Variants in RBM25 observed in about 807,000 individuals in gnomAD.
RBM25 encodes RNA binding motif protein 25.
A neutral mutation model predicts 120.7 loss-of-function variants in RBM25; 19 were observed. The observed-to-expected ratio is 0.16, with a 90% CI of 0.11 to 0.23. The LOEUF (loss-of-function observed/expected upper bound fraction) is 0.23. Among genes scored for constraint, RBM25 ranks in the 10% least tolerant of loss-of-function variants. RBM25 has a pLI of 1.00. For missense variants in RBM25, 605 were observed against 1,041.5 expected, an observed-to-expected ratio of 0.58 and a Z score of 5.77; for synonymous variants, 390 against 326.7, an observed-to-expected ratio of 1.19 and a Z score of -2.09.
intron 6 of RBM25, among the ~76,000 whole-genome samples, chr14:73,094,866 A>T (rs1895905736): frequency 7.2e-6 from 1 of 138,418 alleles, no homozygotes; most frequent in Non-Finnish European, 1.6e-5. Flanking sequence ...TGTGTTTTTG[A>T]TGGGGGTGGA....
rs1349476766 is a variant in RBM25 at position 73,071,613 on chromosome 14, C to G, written c.-15-14C>G. The G allele has an allele frequency of 2.0e-6, 3 of 1,523,178 alleles. No homozygotes were observed. The highest frequency in any genetic ancestry group is 2.7e-6 in the Non-Finnish European group (3 of 1,098,602). 94.4% of individuals were successfully genotyped at this position (1,523,178 alleles called of 1,614,324 possible). On this transcript the variant is annotated splice_polypyrimidine_tract_variant and intron_variant, in intron 1 of 18. Transcript: ENST00000261973. ...TTTCAAATAAAATGATTTGTCATGT[C>G]CTTTTTTCTTTAGACTGCTGCAGTA...
intron 1 of RBM25, among the ~76,000 whole-genome samples, chr14:73,067,165 G>C (rs1895158571): frequency 6.6e-6 from 1 of 151,108 alleles, no homozygotes; most frequent in African/African-American, 2.4e-5. Flanking sequence ...CGCCTCCCAG[G>C]TTCAAGCGAT....
chr14:73,080,927 C>T (rs898479343), intron 4 of RBM25, among the ~76,000 whole-genome samples: 3 of 146,628 alleles, frequency 2.0e-5, no homozygotes, highest in African/African-American at 5.1e-5. Flanking sequence ...GGGGTTCAAG[C>T]AATTCTCCTG....
chr14:73,103,932 TCTCTCTCTCTCTCTCTCACACA>T lies in RBM25; in HGVS notation c.1154+456_1154+477del, dbSNP rs1435520257. On this transcript the variant is annotated intron_variant, in intron 10 of 18. Coordinates refer to ENST00000261973, the MANE Select transcript of RBM25 (RefSeq NM_021239.3). ...CTCTCTCTCTCTCTCTCTCTCTCTC[TCTCTCTCTCTCTCTCTCACACA>T]CACACACACACACACACACACACAC... is the stretch of plus-strand genomic sequence containing the variant. 7.2e-3 allele frequency among the ~76,000 whole-genome samples: 595 copies of T among 83,168 alleles called. 1 individual carries two copies. Among genetic ancestry groups the T allele is most frequent in the African/African-American group, 0.018 (325 of 18,074 alleles). 54.6% of individuals were successfully genotyped at this position (83,168 alleles called of 152,430 possible).
At chr14:73,096,831 G>A (rs1161594970) in intron 6 of RBM25, 84 bp from the exon 7 acceptor site, 2 of 1,184,024 alleles carry the variant, frequency 1.7e-6, no homozygotes, top group Admixed American at 2.2e-5. Flanking sequence ...GAGAAAACAT[G>A]TATGTTTATT....
At chr14:73,103,944 TCTCTCACACACACACACACA>T (rs1566597464) in intron 10 of RBM25, among the ~76,000 whole-genome samples, 6 of 42,530 alleles carry the variant, frequency 1.4e-4, no homozygotes, top group African/African-American at 5.8e-4. Context: ...TCTCTCTCTC[TCTCTCACACACACACACACA>T]CACACACACA....
At chr14:73,068,711 CCT>C (rs942192641) in intron 1 of RBM25, 14 of 307,294 alleles carry the variant, frequency 4.6e-5, no homozygotes, top group African/African-American at 3.1e-4. Context: ...GCAGCACCAG[CCT>C]CTCATTACTG....
At chr14:73,090,501 A>T (rs933922503) in intron 6 of RBM25, among the ~76,000 whole-genome samples, 17 of 152,138 alleles carry the variant, frequency 1.1e-4, no homozygotes, top group Non-Finnish European at 1.8e-4. Flanking sequence ...TGCCTATCCA[A>T]GCTCCCTGTT....
intron 5 of RBM25, among the ~76,000 whole-genome samples, chr14:73,087,156 G>A (rs570308157): frequency 6.6e-6 from 1 of 151,942 alleles, no homozygotes; most frequent in African/African-American, 2.4e-5. Flanking sequence ...CAATTTGTTG[G>A]TTGCTCTTCT....
At chr14:73,112,982 T>C (rs1325499536) in intron 17 of RBM25, among the ~76,000 whole-genome samples, 1 of 152,028 alleles carries the variant, frequency 6.6e-6, no homozygotes, top group Admixed American at 6.6e-5. Context: ...TTTTTTTTTC[T>C]TTTTTTGTTT....
Position 73,103,244 on chromosome 14 carries a change from A to G in RBM25, c.920A>G (p.Lys307Arg). ...KKEKERQEIE[K>R]ERRERERERE... ...GAAAAAGAAAGACAGGAAATTGAGAAAGAACGGAGAGAAAGAGAGAGGGAG... is the reference window on the plus strand; with the variant it reads ...GAAAAAGAAAGACAGGAAATTGAGAGAGAACGGAGAGAAAGAGAGAGGGAG... The change falls in exon 10 of 19, where the codon AAA becomes AGA. Residue 307 changes from lysine (K) to arginine (R), a missense_variant. Lys to Arg is a conservative substitution (Grantham distance 26). Coordinates refer to ENST00000261973, the MANE Select transcript of RBM25 (RefSeq NM_021239.3). The G allele has an allele frequency of 2.5e-6, 4 of 1,605,834 alleles. No individual in the cohort carries two copies. The highest frequency in any genetic ancestry group is 3.4e-6 in the Non-Finnish European group (4 of 1,175,686).
intron 6 of RBM25, among the ~76,000 whole-genome samples, chr14:73,089,306 G>T (rs1386933375): frequency 6.6e-6 from 1 of 152,166 alleles, no homozygotes; most frequent in Non-Finnish European, 1.5e-5. Flanking sequence ...ACTGTAGGCG[G>T]TTTGGATGTA....
At chr14:73,116,133 G>C (rs533330362) in intron 18 of RBM25, among the ~76,000 whole-genome samples, 2 of 151,360 alleles carry the variant, frequency 1.3e-5, no homozygotes, top group African/African-American at 4.8e-5. Flanking sequence ...TGGAGATTAA[G>C]ACATTGAGAG....
intron 17 of RBM25, among the ~76,000 whole-genome samples, 163 bp downstream of exon 17, chr14:73,112,413 G>T (rs1291937421): frequency 4.0e-5 from 6 of 151,076 alleles, no homozygotes; most frequent in African/African-American, 1.2e-4. Context: ...TTTTTGGTGT[G>T]TTTTTTTTTA....
chr14:73,114,420 C>G, intron 18 of RBM25, 87 bp downstream of exon 18: 3 of 931,702 alleles, frequency 3.2e-6, no homozygotes, highest in Non-Finnish European at 4.8e-6. Flanking sequence ...TGGGGTCTCA[C>G]CACGTTGCCC....
chr14:73,105,038 TACACACACACACAC>T (rs57281649), intron 10 of RBM25, among the ~76,000 whole-genome samples: 2 of 141,146 alleles, frequency 1.4e-5, no homozygotes, highest in Non-Finnish European at 1.5e-5. Flanking sequence ...ACATATTAAA[TACACACACACACAC>T]ACACACACAC....
intron 6 of RBM25, chr14:73,088,463 G>A (rs17093837): frequency 0.015 from 7,638 of 500,170 alleles, 471 homozygotes; most frequent in African/African-American, 0.13. Flanking sequence ...ATTCATTAAG[G>A]CAGCTTTGTA....
intron 6 of RBM25, 60 bp downstream of exon 6, chr14:73,088,221 T>G: frequency 6.3e-7 from 1 of 1,586,676 alleles, no homozygotes; most frequent in African/African-American, 1.3e-5. Flanking sequence ...GTGTAGTGCT[T>G]CTCATTATAA....
chr14:73,100,410 G>C, intron 9 of RBM25: 1 of 594,128 alleles, frequency 1.7e-6, no homozygotes, highest in Non-Finnish European at 3.1e-6. Flanking sequence ...TGCCCCCTCA[G>C]AAAAATATGC....
Sources: allele counts gnomAD v4.1 joint callset (sites outside exome capture counted in the v4.1 genomes callset), GRCh38; gene constraint gnomAD v4.1.1; transcripts MANE v1.5; gene names NCBI Gene and HGNC (gene_info 2026-07-23, HGNC 2026-07-21).